The following HECTD4 variants were observed in gnomAD, a reference collection of about 807,000 sequenced individuals.
The protein encoded by HECTD4 is HECT domain E3 ubiquitin protein ligase 4.
HECTD4 carries 114 observed loss-of-function variants against 471.5 expected under a neutral mutation model. That is an observed-to-expected ratio of 0.24 (90% CI 0.21 to 0.28). HECTD4 has a LOEUF of 0.28. Ranked by LOEUF, HECTD4 falls within the 10% of genes least tolerant of loss-of-function variation. The pLI, the probability that HECTD4 is intolerant of heterozygous loss-of-function variation, is 1.00. For synonymous variants in HECTD4, 2,012 were observed against 2,256.0 expected, an observed-to-expected ratio of 0.89 and a Z score of 3.07; for missense variants, 3,866 against 5,651.5, an observed-to-expected ratio of 0.68 and a Z score of 10.13.
chr12:112,162,730 C>T lies in HECTD4; in HGVS notation c.13121-207G>A, dbSNP rs1279242796. ...GAGAGCTGCTGGACAGCGCATGTGC[C>T]AAACTGCTGATGGGTTTGTCTGCCC... On this transcript the variant is annotated intron_variant, in intron 75 of 75. Transcript: ENST00000682272. This position sits in a 1 kb window ranked among gnomAD's most constrained non-coding sequence, Gnocchi z 5.2. The T allele has an allele frequency of 1.7e-6, 1 of 594,796 alleles. No homozygotes were observed. Among genetic ancestry groups the T allele is most frequent in the East Asian group, 2.8e-5 (1 of 35,180 alleles). The allele number at this position is 594,796 out of a possible 1,614,324, so 36.8% of individuals were successfully genotyped here.
chr12:112,304,238 A>T (rs1221778585), intron 7 of HECTD4, among the ~76,000 whole-genome samples: 1 of 104,398 alleles, frequency 9.6e-6, no homozygotes, highest in Non-Finnish European at 1.8e-5. Flanking sequence ...TAAAGACCTA[A>T]TTTTTTTTTT....
rs557373176 is a variant in HECTD4 at position 112,209,577 on chromosome 12, C to T, written c.7867+438G>A. On this transcript the variant is annotated intron_variant, in intron 50 of 75. Coordinates refer to ENST00000682272, the MANE Select transcript of HECTD4 (RefSeq NM_001388303.1). Reference sequence around the variant, plus strand: ...CCAACCTTAGGTGATCTGCCCACCTCGGCCTCCCAAAGTGCTGGCATTACA... The same window carrying T: ...CCAACCTTAGGTGATCTGCCCACCTTGGCCTCCCAAAGTGCTGGCATTACA... Among the ~76,000 whole-genome samples, 19 of 152,328 alleles carry T rather than the reference C, an allele frequency of 1.2e-4. No individual in the cohort carries two copies. The South Asian group carries it at 3.3e-3, about 27-fold the overall frequency.
intron 45 of HECTD4, among the ~76,000 whole-genome samples, chr12:112,217,682 C>CT (rs1171084810): frequency 5.9e-5 from 9 of 152,180 alleles, no homozygotes; most frequent in Non-Finnish European, 5.9e-5. Flanking sequence ...AAAAGTGTAT[C>CT]TTTTTTCCAA....
In HECTD4 at chr12:112,200,673, C is replaced by T. The variant is rs1228379227; in HGVS notation, c.8532G>A (p.Leu2844=). ...AGYRRTATNG[L]VTLDNTNLQI... ...GAAGGTTGGTATTGTCCAGTGTGACCAGCCCATTGGTGGCAGTCCTTCGGT... is the reference window on the plus strand; with the variant it reads ...GAAGGTTGGTATTGTCCAGTGTGACTAGCCCATTGGTGGCAGTCCTTCGGT... Residue 2844 remains leucine, a synonymous_variant, in exon 55 of 76, where the codon CTG becomes CTA. Coordinates refer to ENST00000682272, the MANE Select transcript of HECTD4 (RefSeq NM_001388303.1). 1 of 1,613,846 alleles carries T rather than the reference C, an allele frequency of 6.2e-7. No individual in the cohort carries two copies. The highest frequency in any genetic ancestry group is 1.7e-5 in the Admixed American group (1 of 59,990).
intron 25 of HECTD4, chr12:112,249,454 A>G (rs1185677511): frequency 6.6e-6 from 1 of 152,202 alleles, no homozygotes; most frequent in Non-Finnish European, 1.5e-5. Context: ...AAAGATCTTC[A>G]GCAGCATCTA....
At position 112,194,786 on chromosome 12, in the gene HECTD4, A is replaced by G. The variant is rs1322987876; in HGVS notation, c.8749+99T>C. ...TTTCTCACGTGAGCCTATGCGCACC[A>G]TGAGGCATTTCTCGCCCTCATGCAG... On this transcript the variant is annotated intron_variant, in intron 56 of 75. Transcript: ENST00000682272. This position sits in a 1 kb window ranked among gnomAD's most constrained non-coding sequence, Gnocchi z 4.6. The G allele has an allele frequency of 2.7e-6, 3 of 1,114,796 alleles. No homozygotes were observed. In the African/African-American group the frequency reaches 4.6e-5, roughly 17 times the overall value. 69.1% of individuals were successfully genotyped at this position (1,114,796 alleles called of 1,614,324 possible). A position where few individuals can be genotyped will look rare whatever the true frequency, so the allele number is the denominator to read the frequency against.
intron 10 of HECTD4, 34 bp downstream of exon 10, chr12:112,274,813 A>G (rs1378088710): frequency 7.3e-7 from 1 of 1,366,384 alleles, no homozygotes; most frequent in South Asian, 1.3e-5. Flanking sequence ...AAAACTTGAA[A>G]TTTTCCAAAG....
Position 112,193,728 on chromosome 12 carries a change from T to A in HECTD4, c.8750-54A>T. ...CAAGAATCAAAGCAGCCAGTAGCTG[T>A]GAGAGTCTAAGTAACAGAAAATGAA... On this transcript the variant is annotated intron_variant, in intron 56 of 75. Coordinates refer to ENST00000682272, the MANE Select transcript of HECTD4 (RefSeq NM_001388303.1). This position sits in a 1 kb window ranked among gnomAD's most constrained non-coding sequence, Gnocchi z 5.2. 2 of 1,501,676 alleles carry A rather than the reference T, an allele frequency of 1.3e-6. No homozygotes were observed. The highest frequency in any genetic ancestry group is 9.1e-7 in the Non-Finnish European group (1 of 1,096,764). The allele number at this position is 1,501,676 out of a possible 1,614,324, so 93.0% of individuals were successfully genotyped here.
At position 112,243,418 on chromosome 12, in the gene HECTD4, G is replaced by A. The variant is rs1221342556; in HGVS notation, c.4893C>T (p.Ala1631=). The A allele has an allele frequency of 3.1e-6, 5 of 1,612,218 alleles. No individual in the cohort carries two copies. Among genetic ancestry groups the A allele is most frequent in the African/African-American group, 1.3e-5 (1 of 74,840 alleles). Residue 1631 remains alanine, a synonymous_variant, in exon 32 of 76, where the codon GCC becomes GCT. Transcript: ENST00000682272. The surrounding 1 kb of genome is among the most constrained non-coding windows in gnomAD (Gnocchi z 6.6). ...LVHMRELLTA[A]VRVGGVTHLV... ...GATGCGTCACTCCCCCGACTCGTAC[G>A]GCAGCTGTCAGCAATTCCCGCATGT...
Position 112,243,668 on chromosome 12 carries a change from G to T in HECTD4, c.4743C>A (p.Val1581=). Residue 1581 remains valine (V), a synonymous_variant, in exon 31 of 76, where the codon GTC becomes GTA. Coordinates refer to ENST00000682272, the MANE Select transcript of HECTD4 (RefSeq NM_001388303.1). This position sits in a 1 kb window ranked among gnomAD's most constrained non-coding sequence, Gnocchi z 6.6. Reference sequence around the variant, plus strand: ...TGAAAGCAAACAGCTGCCCTAGCAGGACACTGTAGGTGGGCTTGTCCCTGC... The same window carrying T: ...TGAAAGCAAACAGCTGCCCTAGCAGTACACTGTAGGTGGGCTTGTCCCTGC... ...EDSRDKPTYS[V]LLGQLFAFIG... 1 of 1,613,406 alleles carries T rather than the reference G, an allele frequency of 6.2e-7. No homozygotes were observed. The highest frequency in any genetic ancestry group is 8.5e-7 in the Non-Finnish European group (1 of 1,179,580).
intron 64 of HECTD4, among the ~76,000 whole-genome samples, chr12:112,176,966 C>T (rs944046326): frequency 1.3e-5 from 2 of 152,214 alleles, no homozygotes; most frequent in Admixed American, 6.5e-5. Flanking sequence ...TTTAGAGCTA[C>T]ACTGTTCAAT....
chr12:112,342,008 G>C (rs2036061929), intron 1 of HECTD4, among the ~76,000 whole-genome samples: 1 of 152,144 alleles, frequency 6.6e-6, no homozygotes, highest in Non-Finnish European at 1.5e-5. Context: ...TTGGACCTCA[G>C]AGAGCCTAAA....
intron 6 of HECTD4, among the ~76,000 whole-genome samples, chr12:112,308,185 A>G (rs1422387128): frequency 6.6e-6 from 1 of 152,220 alleles, no homozygotes; most frequent in African/African-American, 2.4e-5. Flanking sequence ...ACAGATGAGT[A>G]GGACAGGGTC....
intron 7 of HECTD4, among the ~76,000 whole-genome samples, chr12:112,288,130 A>G (rs1239776264): frequency 6.8e-6 from 1 of 147,536 alleles, no homozygotes; most frequent in Non-Finnish European, 1.5e-5. Flanking sequence ...GGAGTTCGAG[A>G]CCAGCCTGGC....
chr12:112,224,297 G>A (rs1192277906), intron 44 of HECTD4, among the ~76,000 whole-genome samples: 4 of 148,162 alleles, frequency 2.7e-5, no homozygotes, highest in Middle Eastern at 3.5e-3. Flanking sequence ...ATGGAGTCTC[G>A]CTCTGTTGCC....
chr12:112,167,368 G>T lies in HECTD4; in HGVS notation c.12483C>A (p.Asp4161Glu). 2 of 1,613,854 alleles carry T rather than the reference G, an allele frequency of 1.2e-6. No individual in the cohort carries two copies. The highest frequency in any genetic ancestry group is 1.7e-6 in the Non-Finnish European group (2 of 1,179,846). ...LVGEPLDPEQ[D>E]LQEADILTYN... Reference sequence around the variant, plus strand: ...AGGTGAGGATATCCGCTTCCTGCAGGTCTTGCTCAGGGTCCAAGGGCTCGC... The same window carrying T: ...AGGTGAGGATATCCGCTTCCTGCAGTTCTTGCTCAGGGTCCAAGGGCTCGC... Residue 4161 changes from aspartate to glutamate, a missense_variant, in exon 72 of 76, where the codon GAC becomes GAA. Physicochemically the swap from Asp to Glu is conservative, Grantham distance 45 (BLOSUM62 2). This residue lies in a region of HECTD4 where 715 missense variants were observed against 1,087.6 expected (regional missense o/e 0.66). Coordinates refer to ENST00000682272, the MANE Select transcript of HECTD4 (RefSeq NM_001388303.1).
intron 68 of HECTD4, chr12:112,170,913 G>A (rs1403511780): frequency 1.9e-6 from 1 of 529,956 alleles, no homozygotes. Context: ...TTATTTTTCA[G>A]AGCATGTTAC....
chr12:112,178,918 T>C lies in HECTD4; in HGVS notation c.11363+13A>G, dbSNP rs760666292. ...CCACAGGCTGGGCTGCCCAGGCTCC[T>C]TGGGGCACGCACCTGACGCTGTTGA... On this transcript the variant is annotated intron_variant, in intron 64 of 75. Transcript: ENST00000682272. 12 of 1,599,768 alleles carry C rather than the reference T, an allele frequency of 7.5e-6. No homozygotes were observed. The highest frequency in any genetic ancestry group is 6.7e-5 in the South Asian group (6 of 90,056).
At chr12:112,281,682 T>C (rs1264497968) in intron 8 of HECTD4, among the ~76,000 whole-genome samples, 6 of 152,208 alleles carry the variant, frequency 3.9e-5, no homozygotes, top group Non-Finnish European at 8.8e-5. Flanking sequence ...TAAAATACTG[T>C]CCTTAAATTC....
Sources: allele counts gnomAD v4.1 joint callset (sites outside exome capture counted in the v4.1 genomes callset), GRCh38; gene constraint gnomAD v4.1.1; regional missense constraint gnomAD v4.1.1; non-coding constraint Gnocchi (gnomAD v3.1); transcripts MANE v1.5; gene names NCBI Gene and HGNC (gene_info 2026-07-23, HGNC 2026-07-21).